The following TMEM132D variants were observed in gnomAD, a reference collection of about 807,000 sequenced individuals.
TMEM132D encodes the protein mature OL transmembrane protein.
A neutral mutation model predicts 62.3 loss-of-function variants in TMEM132D; 21 were observed. The ratio of observed to expected loss-of-function variants is 0.34; its 90% CI spans 0.24 to 0.49. The LOEUF (loss-of-function observed/expected upper bound fraction) is 0.49. Ranked by LOEUF, TMEM132D falls within the 20% of genes least tolerant of loss-of-function variation. The pLI is 0.99. For synonymous variants in TMEM132D, 621 were observed against 575.6 expected, an observed-to-expected ratio of 1.08 and a Z score of -1.13; for missense variants, 1,346 against 1,402.8, an observed-to-expected ratio of 0.96 and a Z score of 0.65.
At chr12:129,188,872 T>A (rs1416912154) in intron 5 of TMEM132D, among the ~76,000 whole-genome samples, 1 of 152,072 alleles carries the variant, frequency 6.6e-6, no homozygotes, top group Non-Finnish European at 1.5e-5. Flanking sequence ...TGAGCTCCCA[T>A]GTACCTTGAG....
intron 1 of TMEM132D, among the ~76,000 whole-genome samples, chr12:129,730,174 A>T (rs1869183530): frequency 6.6e-6 from 1 of 152,048 alleles, no homozygotes; most frequent in African/African-American, 2.4e-5. Context: ...TTTCCCTCCT[A>T]GTCTCTCAGT....
At position 129,089,393 on chromosome 12, in the gene TMEM132D, G is replaced by GA. The variant is rs1169964562; in HGVS notation, c.1444-4692_1444-4691insT. On this transcript the variant is annotated intron_variant, in intron 5 of 8. Transcript: ENST00000422113. ...TGACCGGGATGTCCTCCATGACCGGGTGTCCTCCCTGACCGGGATGTCCTC... is the reference window on the plus strand; with the variant it reads ...TGACCGGGATGTCCTCCATGACCGGGATGTCCTCCCTGACCGGGATGTCCTC... Among the ~76,000 whole-genome samples, 12 of 62,914 alleles carry GA rather than the reference G, an allele frequency of 1.9e-4. 2 individuals carry two copies. The highest frequency in any genetic ancestry group is 2.5e-4 in the Non-Finnish European group (9 of 36,156). 41.3% of individuals were successfully genotyped at this position (62,914 alleles called of 152,430 possible). A position where few individuals can be genotyped will look rare whatever the true frequency, so the allele number is the denominator to read the frequency against.
intron 4 of TMEM132D, among the ~76,000 whole-genome samples, chr12:129,300,208 T>C (rs1881677710): frequency 6.6e-6 from 1 of 152,166 alleles, no homozygotes. Context: ...GTGTGTGGTC[T>C]GAATCCAATA....
At chr12:129,696,828 G>C (rs1002324547) in intron 2 of TMEM132D, among the ~76,000 whole-genome samples, 1 of 152,308 alleles carries the variant, frequency 6.6e-6, no homozygotes, top group Middle Eastern at 3.4e-3. Context: ...TTCTGGGATT[G>C]AATGAGATCG....
chr12:129,101,153 G>T (rs1234849743), intron 5 of TMEM132D, among the ~76,000 whole-genome samples: 2 of 152,178 alleles, frequency 1.3e-5, no homozygotes, highest in Admixed American at 1.3e-4. Flanking sequence ...CCAGTTAATG[G>T]CAGGGATCTA....
chr12:129,875,627 G>T (rs1368455273), intron 1 of TMEM132D, among the ~76,000 whole-genome samples: 3 of 152,090 alleles, frequency 2.0e-5, no homozygotes, highest in Non-Finnish European at 4.4e-5. Flanking sequence ...GGCCTCTGTG[G>T]CTACTCTGTG....
At chr12:129,318,647 G>A (rs2135641386) in intron 4 of TMEM132D, among the ~76,000 whole-genome samples, 1 of 152,248 alleles carries the variant, frequency 6.6e-6, no homozygotes, top group African/African-American at 2.4e-5. Flanking sequence ...GTGTGGAGAG[G>A]GACCAGCAGT....
intron 1 of TMEM132D, among the ~76,000 whole-genome samples, chr12:129,896,225 T>C (rs747033309): frequency 1.5e-4 from 23 of 152,040 alleles, no homozygotes; most frequent in Admixed American, 9.8e-4. Context: ...ACTCCTCAAG[T>C]GATCCTCCCA....
At chr12:129,081,650 A>G (rs781235051) in intron 7 of TMEM132D, 109 bp downstream of exon 7, 38 of 1,445,712 alleles carry the variant, frequency 2.6e-5, no homozygotes, top group Non-Finnish European at 3.4e-5. Flanking sequence ...CCCATCCTAA[A>G]AATAGATACC....
intron 5 of TMEM132D, among the ~76,000 whole-genome samples, chr12:129,186,631 C>T (rs1878229836): frequency 6.6e-6 from 1 of 152,204 alleles, no homozygotes; most frequent in South Asian, 2.1e-4. Context: ...TACGACTTCA[C>T]TTCTTTGTGC....
In TMEM132D at chr12:129,235,373, G is replaced by A. The variant is rs548516209; in HGVS notation, c.1300-25710C>T. Among the ~76,000 whole-genome samples, 22 of 150,212 alleles carry A rather than the reference G, an allele frequency of 1.5e-4. No homozygotes were observed. The South Asian group carries it at 4.6e-3, about 32-fold the overall frequency. ...AAAGTTCATTCACACTCTTTTGTGG[G>A]CAATTCTTTCTCTCAGCCCCTAATG... On this transcript the variant is annotated intron_variant, in intron 4 of 8. Coordinates refer to ENST00000422113, the MANE Select transcript of TMEM132D (RefSeq NM_133448.3).
chr12:129,416,659 T>A (rs555842999), intron 3 of TMEM132D, among the ~76,000 whole-genome samples: 81 of 152,336 alleles, frequency 5.3e-4, no homozygotes, highest in African/African-American at 1.8e-3. Context: ...CTCCAGTTTT[T>A]GCCCATTCAA....
rs1879948444 is a variant in TMEM132D at position 129,241,910 on chromosome 12, T to G, written c.1300-32247A>C. Among the ~76,000 whole-genome samples the G allele has an allele frequency of 2.0e-5, 3 of 152,168 alleles. No individual in the cohort carries two copies. The South Asian group carries it at 6.2e-4, about 32-fold the overall frequency. ...TGTCCATAATTATAAGATGTGTGCA[T>G]GAAAGGGAGACAAAATGTATTTAAA... On this transcript the variant is annotated intron_variant, in intron 4 of 8. Transcript: ENST00000422113.
intron 1 of TMEM132D, among the ~76,000 whole-genome samples, chr12:129,829,140 G>A (rs1279551795): frequency 6.6e-6 from 1 of 152,100 alleles, no homozygotes; most frequent in Non-Finnish European, 1.5e-5. Flanking sequence ...CTTGCAGCCA[G>A]CAGCATTCCT....
chr12:129,697,897 C>T (rs1881243999), intron 2 of TMEM132D, among the ~76,000 whole-genome samples: 1 of 150,390 alleles, frequency 6.6e-6, no homozygotes, highest in Non-Finnish European at 1.5e-5. Context: ...ACACACATCA[C>T]TGCTTACACA....
At chr12:129,231,157 A>G (rs971263263) in intron 4 of TMEM132D, among the ~76,000 whole-genome samples, 15 of 152,224 alleles carry the variant, frequency 9.9e-5, no homozygotes, top group African/African-American at 3.6e-4. Context: ...GTTCAACACA[A>G]AGCCTAGGGC....
chr12:129,612,780 C>T (rs899625337), intron 2 of TMEM132D, among the ~76,000 whole-genome samples: 4 of 152,082 alleles, frequency 2.6e-5, no homozygotes, highest in Admixed American at 2.0e-4. Context: ...GAATCAAAGA[C>T]CTGGGCTTTT....
At chr12:129,553,051 G>C (rs1437594021) in intron 2 of TMEM132D, among the ~76,000 whole-genome samples, 1 of 152,170 alleles carries the variant, frequency 6.6e-6, no homozygotes, top group Non-Finnish European at 1.5e-5. Flanking sequence ...AGCCTTGCTG[G>C]TCTGACAGCA....
chr12:129,671,478 A>T (rs1013260168), intron 2 of TMEM132D, among the ~76,000 whole-genome samples: 2 of 152,254 alleles, frequency 1.3e-5, no homozygotes, highest in African/African-American at 4.8e-5. Context: ...TCAAAACACC[A>T]GCTGCTTAAG....
Sources: gnomAD v4.1 joint callset for allele counts (sites outside exome capture counted in the v4.1 genomes callset) on GRCh38, gnomAD v4.1.1 for gene constraint, MANE v1.5 for transcripts, NCBI Gene and HGNC (gene_info 2026-07-23, HGNC 2026-07-21) for gene names.